Variants in FOCAD observed in about 807,000 individuals in gnomAD.
FOCAD encodes focadhesin, also known as KIAA1797.
Under a neutral mutation model 225.6 loss-of-function variants are expected in FOCAD, and 198 were observed. The observed-to-expected ratio is 0.88, with a 90% CI of 0.78 to 0.99. The LOEUF is 0.99. Ranked by LOEUF, FOCAD falls within the 50% of genes least tolerant of loss-of-function variation. The probability of loss-of-function intolerance (pLI) is 0.00; values close to 1 mark genes in which losing one functional copy is unlikely to be tolerated. For synonymous variants in FOCAD, 897 were observed against 755.0 expected (o/e 1.19, Z -3.08); for missense variants, 2,713 against 2,123.6 (o/e 1.28, Z -5.46).
chr9:20,983,783 G>A (rs2132647236), intron 39 of FOCAD, among the ~76,000 whole-genome samples: 1 of 152,158 alleles, frequency 6.6e-6, no homozygotes, highest in East Asian at 1.9e-4. Flanking sequence ...GTAAAGGAGA[G>A]ATAATAACAC....
At chr9:20,943,812 A>C (rs970448746) in intron 28 of FOCAD, among the ~76,000 whole-genome samples, 2 of 152,232 alleles carry the variant, frequency 1.3e-5, no homozygotes, top group Non-Finnish European at 2.9e-5. Flanking sequence ...AAAAACAATG[A>C]CAAAAGCTTT....
intron 35 of FOCAD, among the ~76,000 whole-genome samples, chr9:20,963,621 T>C (rs1838972742): frequency 6.6e-6 from 1 of 152,244 alleles, no homozygotes; most frequent in South Asian, 2.1e-4. Flanking sequence ...AATGGAGAGA[T>C]GTAATTCTTG....
chr9:20,783,004 C>A (rs1038492212), intron 10 of FOCAD, among the ~76,000 whole-genome samples: 1 of 152,132 alleles, frequency 6.6e-6, no homozygotes. Context: ...AAAATCCGAT[C>A]AAAAAATTCT....
At chr9:20,907,298 T>G (rs1833061943) in intron 22 of FOCAD, 56 bp downstream of exon 22, 1 of 1,395,900 alleles carries the variant, frequency 7.2e-7, no homozygotes, top group African/African-American at 1.4e-5. Flanking sequence ...ATCTCATGTT[T>G]TGCTACAAAT....
At chr9:20,877,930 A>C (rs1830364129) in intron 19 of FOCAD, among the ~76,000 whole-genome samples, 1 of 151,594 alleles carries the variant, frequency 6.6e-6, no homozygotes, top group Non-Finnish European at 1.5e-5. Flanking sequence ...ACAAACAAAA[A>C]CCCCAACGGG....
At position 20,948,299 on chromosome 9, in the gene FOCAD, A is replaced by G; in HGVS notation, c.3704A>G (p.Asn1235Ser). ...TCAGGTTTTGCCCTGGCTTTAGGAA[A>G]CATAGTTCATGGATTGTCTGTGTGT... Reference protein sequence around the residue: ...QTSGFALALGNIVHGLSVCGH... With the variant: ...QTSGFALALGSIVHGLSVCGH... Residue 1235 changes from asparagine (N) to serine (S), a missense_variant, in exon 31 of 44, where the codon AAC (asparagine) becomes AGC (serine). Physicochemically the swap from Asn to Ser is conservative, Grantham distance 46 (BLOSUM62 1). Coordinates refer to ENST00000338382, the MANE Select transcript of FOCAD (RefSeq NM_001375567.1). 1 of 1,611,660 alleles carries G rather than the reference A, an allele frequency of 6.2e-7. No individual in the cohort carries two copies. The highest frequency in any genetic ancestry group is 8.5e-7 in the Non-Finnish European group (1 of 1,178,422).
chr9:20,912,861 T>C lies in FOCAD; in HGVS notation c.2719-5T>C, dbSNP rs369456223. ...ACATGCTGATTTATGCTGTGATTTT[T>C]GCAGGGAAGACTAGGAGAGCTGGAG... is the stretch of plus-strand genomic sequence containing the variant. On this transcript the variant is annotated splice_polypyrimidine_tract_variant and splice_region_variant and intron_variant, in intron 22 of 43. Transcript: ENST00000338382. 2 of 1,612,232 alleles carry C rather than the reference T, an allele frequency of 1.2e-6. No individual in the cohort carries two copies. The highest frequency in any genetic ancestry group is 8.5e-7 in the Non-Finnish European group (1 of 1,178,792).
intron 4 of FOCAD, among the ~76,000 whole-genome samples, chr9:20,729,641 C>T (rs1264189742): frequency 6.6e-6 from 1 of 152,076 alleles, no homozygotes; most frequent in Non-Finnish European, 1.5e-5. Flanking sequence ...CATATGAATG[C>T]AGAGGGTGTG....
chr9:20,765,065 T>G lies in FOCAD; in HGVS notation c.691T>G (p.Cys231Gly). 6.2e-7 allele frequency: 1 copy of G among 1,612,658 alleles called. No homozygotes were observed. Among genetic ancestry groups the G allele is most frequent in the South Asian group, 1.1e-5 (1 of 90,780 alleles). The part of the protein sequence containing the change: ...ILQLCCDIVP[C>G]LQVKDLIQTT... ...TCAACTGTGTTGTGACATAGTTCCA[T>G]GTTTGCAGGTAAGGTCTTTGTCCTC... is the stretch of plus-strand genomic sequence containing the variant. Residue 231 changes from cysteine (C) to glycine (G), a missense_variant, in exon 7 of 44, where the codon TGT (cysteine) becomes GGT (glycine). Transcript: ENST00000338382.
intron 21 of FOCAD, among the ~76,000 whole-genome samples, chr9:20,888,640 C>G (rs2383157): frequency 0.81 from 122,480 of 152,034 alleles, 49,629 homozygotes; most frequent in Admixed American, 0.88. Context: ...ACGTCCCCAT[C>G]CAAACCTCAT....
At chr9:20,784,070 A>T (rs1819667935) in intron 10 of FOCAD, among the ~76,000 whole-genome samples, 2 of 152,202 alleles carry the variant, frequency 1.3e-5, no homozygotes, top group African/African-American at 4.8e-5. Flanking sequence ...CAATGCTGAG[A>T]GTCAGACCTG....
At chr9:20,974,907 A>C (rs1027501670) in intron 35 of FOCAD, among the ~76,000 whole-genome samples, 1 of 147,666 alleles carries the variant, frequency 6.8e-6, no homozygotes, top group African/African-American at 2.5e-5. Flanking sequence ...ACTTTTTCTG[A>C]TGATTTTGCC....
chr9:20,879,203 A>C (rs891265854), intron 19 of FOCAD, among the ~76,000 whole-genome samples: 7 of 152,118 alleles, frequency 4.6e-5, no homozygotes, highest in African/African-American at 1.7e-4. Context: ...CATCTCCTTA[A>C]CTTCCAAATA....
chr9:20,789,593 A>G lies in FOCAD; in HGVS notation c.1440A>G (p.Gln480=), dbSNP rs1211036177. The G allele has an allele frequency of 3.1e-6, 5 of 1,613,958 alleles. No homozygotes were observed. The highest frequency in any genetic ancestry group is 2.2e-5 in the South Asian group (2 of 91,074). ...QILKVTTELA[Q]ADSSQVPNLI... ...TCAAGGTCACTACAGAATTAGCCCAAGCAGATTCCTCCCAGGTAAAGCAAG... is the reference window on the plus strand; with the variant it reads ...TCAAGGTCACTACAGAATTAGCCCAGGCAGATTCCTCCCAGGTAAAGCAAG... Residue 480 remains glutamine (Q), a synonymous_variant, in exon 11 of 44, where the codon CAA becomes CAG. Transcript: ENST00000338382.
intron 14 of FOCAD, 42 bp from the exon 15 acceptor site, chr9:20,822,947 A>G (rs1336912524): frequency 1.9e-6 from 3 of 1,544,140 alleles, no homozygotes; most frequent in Admixed American, 4.4e-5. Context: ...TGATAACTGC[A>G]CTTTAGCATT....
chr9:20,909,573 A>T (rs1260971390), intron 22 of FOCAD, among the ~76,000 whole-genome samples: 1 of 152,118 alleles, frequency 6.6e-6, no homozygotes, highest in Non-Finnish European at 1.5e-5. Flanking sequence ...ATCTTTATTT[A>T]TCATTTAAAA....
chr9:20,912,914 C>A lies in FOCAD; in HGVS notation c.2767C>A (p.Pro923Thr). Residue 923 changes from proline (P) to threonine (T), a missense_variant, in exon 23 of 44, where the codon CCT becomes ACT. Coordinates refer to ENST00000338382, the MANE Select transcript of FOCAD (RefSeq NM_001375567.1). ...ELQLKHGKEEPEEVQYKKSTA... is the reference protein window; with the variant it reads ...ELQLKHGKEETEEVQYKKSTA... ...GCAGTTAAAACATGGAAAAGAAGAA[C>A]CTGAGGAGGTGCAGTACAAAAAAAG... 1 of 1,613,158 alleles carries A rather than the reference C, an allele frequency of 6.2e-7. No homozygotes were observed. Among genetic ancestry groups the A allele is most frequent in the Non-Finnish European group, 8.5e-7 (1 of 1,179,548 alleles).
chr9:20,661,630 A>G (rs1398605491), intron 2 of FOCAD, among the ~76,000 whole-genome samples: 1 of 152,164 alleles, frequency 6.6e-6, no homozygotes, highest in African/African-American at 2.4e-5. Context: ...ATTTTGTCAC[A>G]CTGGGAAAAA....
At chr9:20,891,656 A>C (rs560233097) in intron 21 of FOCAD, among the ~76,000 whole-genome samples, 4 of 152,320 alleles carry the variant, frequency 2.6e-5, no homozygotes, top group African/African-American at 9.6e-5. Context: ...ACTGCAGAAG[A>C]AAAGTTTGAA....
Sources: gnomAD v4.1 joint callset for allele counts (sites outside exome capture counted in the v4.1 genomes callset) on GRCh38, gnomAD v4.1.1 for gene constraint, MANE v1.5 for transcripts, NCBI Gene and HGNC (gene_info 2026-07-23, HGNC 2026-07-21) for gene names.